The following GSDME variants were observed in gnomAD, a reference collection of about 807,000 sequenced individuals.
GSDME encodes gasdermin-E.
In GSDME, 44 loss-of-function variants were observed where a neutral mutation model predicts 47.5. That is an observed-to-expected ratio of 0.93 (90% CI 0.73 to 1.19). GSDME has a LOEUF of 1.19. Ranked by LOEUF, GSDME falls within the 50% of genes most tolerant of loss-of-function variation. The pLI, the probability that GSDME is intolerant of heterozygous loss-of-function variation, is 0.00. For missense variants in GSDME, 663 were observed against 604.2 expected (o/e 1.10, Z -1.02); for synonymous variants, 258 against 252.8 (o/e 1.02, Z -0.20).
chr7:24,705,257 G>A lies in GSDME; in HGVS notation c.1183+927C>T, dbSNP rs1789046992. 1 of 152,118 alleles carries A rather than the reference G, an allele frequency of 6.6e-6. No individual in the cohort carries two copies. The highest frequency in any genetic ancestry group is 1.5e-5 in the Non-Finnish European group (1 of 68,054). 9.4% of individuals were successfully genotyped at this position (152,118 alleles called of 1,614,324 possible). ...GAAAGTCTCTAGTGGAGTTCCGCAGGGCTCTGTCTTATGTCCTGTTTCAGT... is the reference window on the plus strand; with the variant it reads ...GAAAGTCTCTAGTGGAGTTCCGCAGAGCTCTGTCTTATGTCCTGTTTCAGT... On this transcript the variant is annotated intron_variant, in intron 8 of 9. Transcript: ENST00000645220. The surrounding 1 kb of genome is among the most constrained non-coding windows in gnomAD (Gnocchi z 4.1).
At chr7:24,749,519 C>T in intron 2 of GSDME, 45 bp downstream of exon 2, 1 of 1,223,636 alleles carries the variant, frequency 8.2e-7, no homozygotes, top group Non-Finnish European at 1.2e-6. Context: ...AAAAAAGGAT[C>T]ATCCTTTCCG....
chr7:24,739,601 C>T lies in GSDME; in HGVS notation c.404+4961G>A, dbSNP rs1438770743. Among the ~76,000 whole-genome samples the T allele has an allele frequency of 6.6e-6, 1 of 152,112 alleles. No homozygotes were observed. Among genetic ancestry groups the T allele is most frequent in the East Asian group, 1.9e-4 (1 of 5,198 alleles). On this transcript the variant is annotated intron_variant, in intron 3 of 9. Transcript: ENST00000645220. This position sits in a 1 kb window ranked among gnomAD's most constrained non-coding sequence, Gnocchi z 5.1. ...CTCAAAAAACTAAAAATAGAGCTAC[C>T]ATACTATCCAGCATTCCAACTGCTG...
chr7:24,739,458 T>A lies in GSDME; in HGVS notation c.404+5104A>T, dbSNP rs1179249215. On this transcript the variant is annotated intron_variant, in intron 3 of 9. Coordinates refer to ENST00000645220, the MANE Select transcript of GSDME (RefSeq NM_001127453.2). The surrounding 1 kb of genome is among the most constrained non-coding windows in gnomAD (Gnocchi z 5.1). ...CTCACCCTGGTTAAAATGGCTTTTATCCAAAAGACAGGCAATAAAAACTGC... is the reference window on the plus strand; with the variant it reads ...CTCACCCTGGTTAAAATGGCTTTTAACCAAAAGACAGGCAATAAAAACTGC... Among the ~76,000 whole-genome samples the A allele has an allele frequency of 2.0e-5, 3 of 152,056 alleles. No homozygotes were observed. Among genetic ancestry groups the A allele is most frequent in the Non-Finnish European group, 4.4e-5 (3 of 68,000 alleles).
Position 24,728,524 on chromosome 7 carries a change from C to T in GSDME, c.405-9306G>A, listed in dbSNP as rs1790043977. On this transcript the variant is annotated intron_variant, in intron 3 of 9. Coordinates refer to ENST00000645220, the MANE Select transcript of GSDME (RefSeq NM_001127453.2). This position sits in a 1 kb window ranked among gnomAD's most constrained non-coding sequence, Gnocchi z 7.2. Reference sequence around the variant, plus strand: ...GCTGGGTGAGAATGCAGCTCAGCACCATCCACCCTCGAAGCTCTGCGCCCA... The same window carrying T: ...GCTGGGTGAGAATGCAGCTCAGCACTATCCACCCTCGAAGCTCTGCGCCCA... Among the ~76,000 whole-genome samples the T allele has an allele frequency of 6.6e-6, 1 of 152,178 alleles. No individual in the cohort carries two copies. The highest frequency in any genetic ancestry group is 2.4e-5 in the African/African-American group (1 of 41,454).
chr7:24,710,711 CAAAT>C (rs1789318499), intron 5 of GSDME: 1 of 289,022 alleles, frequency 3.5e-6, no homozygotes, highest in African/African-American at 2.1e-5. Context: ...TCTAAACAGA[CAAAT>C]GAAACCTGAC....
chr7:24,795,518 G>C, the GSDME span, among the ~76,000 whole-genome samples: 8 of 152,110 alleles, frequency 5.3e-5, no homozygotes. Flanking sequence ...GTGACCCATT[G>C]AGCAAGCAGG....
chr7:24,727,410 G>C (rs1034275806), intron 3 of GSDME, among the ~76,000 whole-genome samples: 1 of 152,192 alleles, frequency 6.6e-6, no homozygotes, highest in African/African-American at 2.4e-5. Flanking sequence ...ACAGAGATGG[G>C]GACATGACAG....
intron 3 of GSDME, among the ~76,000 whole-genome samples, chr7:24,734,761 AAAAAAGAATG>A (rs1426646985): frequency 2.0e-5 from 3 of 152,200 alleles, no homozygotes; most frequent in African/African-American, 4.8e-5. Context: ...AGACAAAAGA[AAAAAAGAATG>A]AAAAAGAATG....
In GSDME at chr7:24,754,957, T is replaced by G. The variant is rs919970621; in HGVS notation, c.-20+2439A>C. Among the ~76,000 whole-genome samples the G allele has an allele frequency of 1.3e-5, 2 of 152,222 alleles. No individual in the cohort carries two copies. The highest frequency in any genetic ancestry group is 2.9e-5 in the Non-Finnish European group (2 of 68,036). Reference sequence around the variant, plus strand: ...GACAAAGAGAGGAGCAACTGTTTGTTGAGTATCTGCTATGTTCCAGGCATG... The same window carrying G: ...GACAAAGAGAGGAGCAACTGTTTGTGGAGTATCTGCTATGTTCCAGGCATG... On this transcript the variant is annotated intron_variant, in intron 1 of 9. Transcript: ENST00000645220. This position sits in a 1 kb window ranked among gnomAD's most constrained non-coding sequence, Gnocchi z 5.0.
intron 2 of GSDME, 22 bp downstream of exon 2, chr7:24,749,542 G>T: frequency 2.3e-4 from 317 of 1,360,880 alleles, no homozygotes; most frequent in Non-Finnish European, 3.0e-4. Flanking sequence ...ACTAATTATA[G>T]AATATACCCA....
chr7:24,753,128 A>C (rs997255832), intron 1 of GSDME, among the ~76,000 whole-genome samples: 2 of 152,190 alleles, frequency 1.3e-5, no homozygotes, highest in African/African-American at 4.8e-5. Flanking sequence ...TGGGACTCAG[A>C]ATATTCTCCT....
chr7:24,703,042 C>T (rs1788942889), intron 8 of GSDME: 2 of 503,098 alleles, frequency 4.0e-6, no homozygotes, highest in African/African-American at 1.9e-5. Flanking sequence ...CAGCTGCCAG[C>T]TCTGCATTCC....
At chr7:24,717,037 G>C in intron 5 of GSDME, 4 of 586,372 alleles carry the variant, frequency 6.8e-6, no homozygotes, top group Non-Finnish European at 1.2e-5. Flanking sequence ...TTGGAGGAGA[G>C]GGTGGCATTG....
rs1474740305 is a variant in GSDME at position 24,742,076 on chromosome 7, T to A, written c.404+2486A>T. Among the ~76,000 whole-genome samples, 1 of 152,220 alleles carries A rather than the reference T, an allele frequency of 6.6e-6. No individual in the cohort carries two copies. Among genetic ancestry groups the A allele is most frequent in the Non-Finnish European group, 1.5e-5 (1 of 68,052 alleles). On this transcript the variant is annotated intron_variant, in intron 3 of 9. Transcript: ENST00000645220. The surrounding 1 kb of genome is among the most constrained non-coding windows in gnomAD (Gnocchi z 4.4). The stretch of plus-strand genomic sequence containing the variant: ...AAGTAATAGGACTCCCGAGTCCAAG[T>A]GATCTCATCCCTGTGTCCAGGCACC...
intron 3 of GSDME, among the ~76,000 whole-genome samples, chr7:24,723,529 GA>G (rs1335741253): frequency 1.7e-4 from 26 of 152,304 alleles, no homozygotes; most frequent in Admixed American, 8.5e-4. Context: ...AGCATTTAAA[GA>G]GGCCCATGGG....
the GSDME span, among the ~76,000 whole-genome samples, chr7:24,764,750 C>T: frequency 6.6e-6 from 1 of 152,186 alleles, no homozygotes; most frequent in Non-Finnish European, 1.5e-5. This position sits in a 1 kb window ranked among gnomAD's most constrained non-coding sequence, Gnocchi z 4.4. Context: ...ACTTCCTTAT[C>T]TGGAAAGTGG....
At chr7:24,752,948 G>T (rs1461412625) in intron 1 of GSDME, among the ~76,000 whole-genome samples, 4 of 151,122 alleles carry the variant, frequency 2.6e-5, no homozygotes, top group Non-Finnish European at 5.9e-5. Flanking sequence ...CCCCCACAGG[G>T]ATTAGACGGT....
intron 2 of GSDME, among the ~76,000 whole-genome samples, chr7:24,747,980 ATT>A (rs1233508131): frequency 1.3e-5 from 2 of 151,668 alleles, no homozygotes; most frequent in African/African-American, 2.4e-5. Flanking sequence ...AACATTATTT[ATT>A]AAGCACTAAA....
intron 6 of GSDME, among the ~76,000 whole-genome samples, chr7:24,708,563 ATTC>A (rs758948980): frequency 5.9e-5 from 9 of 152,204 alleles, no homozygotes; most frequent in East Asian, 1.9e-4. Flanking sequence ...AGTTATTTAA[ATTC>A]TTCTTTAGCA....
Sources: gnomAD v4.1 joint callset for allele counts (sites outside exome capture counted in the v4.1 genomes callset) on GRCh38, gnomAD v4.1.1 for gene constraint, Gnocchi (gnomAD v3.1) non-coding constraint, MANE v1.5 for transcripts, NCBI Gene and HGNC (gene_info 2026-07-23, HGNC 2026-07-21) for gene names.